Variants in IRF2 observed in about 807,000 individuals in gnomAD.
The protein encoded by IRF2 is interferon regulatory factor 2.
In IRF2, 15 loss-of-function variants were observed where a neutral mutation model predicts 40.6. The observed-to-expected ratio is 0.37, with a 90% CI of 0.25 to 0.57. IRF2 has a LOEUF of 0.57. IRF2 is among the 20% of genes least tolerant of loss of function. The pLI, the probability that IRF2 is intolerant of heterozygous loss-of-function variation, is 0.77. For missense variants in IRF2, 317 were observed against 455.7 expected (o/e 0.70, Z 2.77); for synonymous variants, 151 against 165.5 (o/e 0.91, Z 0.67).
intron 6 of IRF2, among the ~76,000 whole-genome samples, chr4:184,403,011 A>G (rs1736723268): frequency 6.6e-6 from 1 of 152,186 alleles, no homozygotes; most frequent in African/African-American, 2.4e-5. Context: ...ACCAGGAGAG[A>G]AAAGTCAGTC....
chr4:184,422,789 T>C (rs1737529409), intron 2 of IRF2, among the ~76,000 whole-genome samples: 1 of 152,166 alleles, frequency 6.6e-6, no homozygotes, highest in Admixed American at 6.5e-5. Flanking sequence ...AGATTACTGG[T>C]TGCCACAAGC....
At chr4:184,464,935 C>T (rs898977001) in intron 1 of IRF2, among the ~76,000 whole-genome samples, 1 of 151,830 alleles carries the variant, frequency 6.6e-6, no homozygotes, top group Non-Finnish European at 1.5e-5. Flanking sequence ...AAGTGTAGCC[C>T]ACATGTACAT....
At chr4:184,409,711 T>C (rs1737001556) in intron 5 of IRF2, among the ~76,000 whole-genome samples, 1 of 151,998 alleles carries the variant, frequency 6.6e-6, no homozygotes, top group Non-Finnish European at 1.5e-5. Flanking sequence ...CTGGGCAACA[T>C]AGCAAGACCC....
intron 6 of IRF2, among the ~76,000 whole-genome samples, chr4:184,404,630 C>T (rs911705266): frequency 6.6e-6 from 1 of 152,092 alleles, no homozygotes; most frequent in Non-Finnish European, 1.5e-5. Context: ...AAATAAAAAA[C>T]TTCAGAAGCA....
chr4:184,395,036 G>C (rs1736393375), intron 7 of IRF2, among the ~76,000 whole-genome samples: 1 of 152,128 alleles, frequency 6.6e-6, no homozygotes, highest in Admixed American at 6.5e-5. Context: ...ATACTACTGG[G>C]ATTATGATTC....
chr4:184,406,826 G>A (rs78931671), intron 6 of IRF2, among the ~76,000 whole-genome samples: 3,486 of 152,198 alleles, frequency 0.023, 66 homozygotes, highest in Non-Finnish European at 0.031. Flanking sequence ...CTTAAAAAGC[G>A]GCTTGAGTTT....
chr4:184,456,571 G>A (rs571259569), intron 1 of IRF2, among the ~76,000 whole-genome samples: 38 of 152,358 alleles, frequency 2.5e-4, no homozygotes, highest in African/African-American at 8.7e-4. Context: ...CCGACTGAGC[G>A]GAGGAAACCC....
intron 5 of IRF2, among the ~76,000 whole-genome samples, chr4:184,415,773 T>G (rs774014271): frequency 6.6e-6 from 1 of 152,254 alleles, no homozygotes; most frequent in Non-Finnish European, 1.5e-5. Flanking sequence ...TGCATCCTAA[T>G]GGAAAACCCC....
intron 2 of IRF2, among the ~76,000 whole-genome samples, chr4:184,424,031 G>C (rs1032270949): frequency 8.0e-5 from 12 of 150,932 alleles, no homozygotes; most frequent in African/African-American, 2.7e-4. Context: ...ATGCTGTCAG[G>C]GAGCTGCTTT....
intron 7 of IRF2, among the ~76,000 whole-genome samples, chr4:184,393,291 G>A (rs890121879): frequency 6.6e-6 from 1 of 152,200 alleles, no homozygotes; most frequent in African/African-American, 2.4e-5. Context: ...TTCAAGATCC[G>A]CTTTCCATTT....
At chr4:184,463,644 G>A (rs865893343) in intron 1 of IRF2, among the ~76,000 whole-genome samples, 4 of 151,846 alleles carry the variant, frequency 2.6e-5, no homozygotes, top group Admixed American at 1.3e-4. Flanking sequence ...GGACAATATC[G>A]TGCATATATA....
rs541614799 is a variant in IRF2 at position 184,388,521 on chromosome 4, G to A, written c.*237C>T. The stretch of plus-strand genomic sequence containing the variant: ...TGCCCTTGTTGGTCCTTGAACTTGA[G>A]TGAGTAGCCCTGGGAGATCCAGCAG... On this transcript the variant is annotated 3_prime_UTR_variant, in exon 9 of 9. Coordinates refer to ENST00000393593, the MANE Select transcript of IRF2 (RefSeq NM_002199.4). The surrounding 1 kb of genome is among the most constrained non-coding windows in gnomAD (Gnocchi z 4.6). The A allele has an allele frequency of 3.9e-6, 2 of 506,930 alleles. No homozygotes were observed. The highest frequency in any genetic ancestry group is 2.0e-5 in the African/African-American group (1 of 50,304). The allele number at this position is 506,930 out of a possible 1,614,324, so 31.4% of individuals were successfully genotyped here. A position where few individuals can be genotyped will look rare whatever the true frequency, so the allele number is the denominator to read the frequency against.
chr4:184,411,031 T>C (rs925101296), intron 5 of IRF2, among the ~76,000 whole-genome samples: 22 of 152,058 alleles, frequency 1.4e-4, no homozygotes, highest in Non-Finnish European at 3.1e-4. Flanking sequence ...AGACACTCTT[T>C]TGAACACTGT....
In IRF2 at chr4:184,388,833, C is replaced by T. The variant is rs1736146396; in HGVS notation, c.975G>A (p.Arg325=). 1 of 1,613,980 alleles carries T rather than the reference C, an allele frequency of 6.2e-7. No individual in the cohort carries two copies. Among genetic ancestry groups the T allele is most frequent in the Non-Finnish European group, 8.5e-7 (1 of 1,180,006 alleles). Residue 325 remains arginine (R), a synonymous_variant, in exon 9 of 9, where the codon CGG becomes CGA. Coordinates refer to ENST00000393593, the MANE Select transcript of IRF2 (RefSeq NM_002199.4). The surrounding 1 kb of genome is among the most constrained non-coding windows in gnomAD (Gnocchi z 4.6). ...SSMTPASSSS[R]PDRETRASVI... ...CGCTGGCCCGGGTCTCCCGGTCTGGCCGACTGCTGCTGGATGCTGGGGTCA... is the reference window on the plus strand; with the variant it reads ...CGCTGGCCCGGGTCTCCCGGTCTGGTCGACTGCTGCTGGATGCTGGGGTCA...
chr4:184,407,805 G>A (rs997929174), intron 6 of IRF2, among the ~76,000 whole-genome samples: 27 of 152,182 alleles, frequency 1.8e-4, no homozygotes, highest in Non-Finnish European at 7.3e-5. Context: ...GAGGACTCGC[G>A]AGGACCATCT....
At chr4:184,463,714 T>C (rs1415227958) in intron 1 of IRF2, among the ~76,000 whole-genome samples, 1 of 152,194 alleles carries the variant, frequency 6.6e-6, no homozygotes, top group African/African-American at 2.4e-5. Context: ...ATAATGGTCA[T>C]GCCCAATCCT....
intron 2 of IRF2, among the ~76,000 whole-genome samples, chr4:184,425,183 A>G (rs1737623296): frequency 2.0e-5 from 3 of 152,248 alleles, no homozygotes; most frequent in South Asian, 4.1e-4. Flanking sequence ...TCAGTGGCAA[A>G]AGAGATCTTG....
intron 5 of IRF2, among the ~76,000 whole-genome samples, chr4:184,417,723 C>T (rs1391429692): frequency 6.6e-6 from 1 of 152,174 alleles, no homozygotes; most frequent in Non-Finnish European, 1.5e-5. Context: ...TGTCCCCCAC[C>T]AAAGGGCCTG....
chr4:184,439,441 G>A (rs1165492740), intron 1 of IRF2, among the ~76,000 whole-genome samples: 2 of 149,634 alleles, frequency 1.3e-5, no homozygotes, highest in Non-Finnish European at 3.0e-5. Context: ...AAGCAATTAA[G>A]TATGAAAATC....
Sources: allele counts gnomAD v4.1 joint callset (sites outside exome capture counted in the v4.1 genomes callset), GRCh38; gene constraint gnomAD v4.1.1; non-coding constraint Gnocchi (gnomAD v3.1); transcripts MANE v1.5; gene names NCBI Gene and HGNC (gene_info 2026-07-23, HGNC 2026-07-21).